DACH1: variants seen among roughly 807,000 people sequenced by gnomAD.
DACH1 encodes the protein dachshund family transcription factor 1.
Under a neutral mutation model 54.2 loss-of-function variants are expected in DACH1, and 12 were observed. The ratio of observed to expected loss-of-function variants is 0.22; its 90% CI spans 0.14 to 0.36. DACH1 has a LOEUF of 0.36. DACH1 is among the 10% of genes least tolerant of loss of function. DACH1 has a pLI of 1.00. For missense variants in DACH1, 805 were observed against 929.8 expected (o/e 0.87, Z 1.75); for synonymous variants, 386 against 366.2 (o/e 1.05, Z -0.62).
chr13:71,605,841 T>C (rs1874842510), intron 3 of DACH1, among the ~76,000 whole-genome samples: 2 of 151,984 alleles, frequency 1.3e-5, no homozygotes, highest in South Asian at 4.1e-4. Flanking sequence ...CCCCGTGTAA[T>C]TGAAAGTGAT....
At chr13:71,826,870 C>G (rs1409453375) in intron 1 of DACH1, among the ~76,000 whole-genome samples, 1 of 151,952 alleles carries the variant, frequency 6.6e-6, no homozygotes, top group East Asian at 1.9e-4. Flanking sequence ...GGGTTAATTG[C>G]GTGAATCTTC....
At chr13:71,750,985 C>T (rs1217960793) in intron 1 of DACH1, among the ~76,000 whole-genome samples, 1 of 152,118 alleles carries the variant, frequency 6.6e-6, no homozygotes, top group Non-Finnish European at 1.5e-5. Flanking sequence ...ATGTTTTTCT[C>T]CTTTAATAAT....
chr13:71,617,787 T>C (rs936728321), intron 3 of DACH1, among the ~76,000 whole-genome samples: 1 of 152,178 alleles, frequency 6.6e-6, no homozygotes, highest in Admixed American at 6.5e-5. Flanking sequence ...CTCACGGACG[T>C]AGGCTTGGCA....
At chr13:71,601,520 A>C (rs1334194638) in intron 3 of DACH1, among the ~76,000 whole-genome samples, 1 of 152,026 alleles carries the variant, frequency 6.6e-6, no homozygotes, top group Non-Finnish European at 1.5e-5. Context: ...CTTCAGATAT[A>C]GAGTGAAGTA....
intron 1 of DACH1, among the ~76,000 whole-genome samples, chr13:71,741,607 A>C (rs757851454): frequency 6.6e-6 from 1 of 152,210 alleles, no homozygotes; most frequent in Non-Finnish European, 1.5e-5. Context: ...TAATATGTCT[A>C]AGAGAGATTA....
chr13:71,616,919 T>C (rs1399035579), intron 3 of DACH1, among the ~76,000 whole-genome samples: 2 of 151,348 alleles, frequency 1.3e-5, no homozygotes, highest in Non-Finnish European at 2.9e-5. Flanking sequence ...TTCGCTCTTG[T>C]TGCCCAGGCT....
chr13:71,589,681 C>T (rs1873552635), intron 3 of DACH1, among the ~76,000 whole-genome samples: 1 of 151,766 alleles, frequency 6.6e-6, no homozygotes, highest in Non-Finnish European at 1.5e-5. Context: ...CCTAAAAAGA[C>T]CTGATATGAG....
Position 71,447,605 on chromosome 13 carries a change from G to A in DACH1, c.2084-6913C>T, listed in dbSNP as rs182614664. ...TCCCAGCACTTTGGGAGGCTGAGGC[G>A]GGTGGATCACGAGGTCAGGAAATCG... is the stretch of plus-strand genomic sequence containing the variant. On this transcript the variant is annotated intron_variant, in intron 10 of 10. Transcript: ENST00000613252. Among the ~76,000 whole-genome samples the A allele has an allele frequency of 1.6e-3, 250 of 152,008 alleles. 2 individuals carry two copies. Among genetic ancestry groups the A allele is most frequent in the African/African-American group, 5.6e-3 (232 of 41,478 alleles).
chr13:71,591,274 T>C (rs1257340503), intron 3 of DACH1, among the ~76,000 whole-genome samples: 1 of 152,082 alleles, frequency 6.6e-6, no homozygotes, highest in Non-Finnish European at 1.5e-5. Context: ...AGAATACAAC[T>C]CACTGTAAAT....
chr13:71,820,937 A>G lies in DACH1; in HGVS notation c.848+44985T>C, dbSNP rs544947868. Among the ~76,000 whole-genome samples, 13 of 152,320 alleles carry G rather than the reference A, an allele frequency of 8.5e-5. No individual in the cohort carries two copies. The East Asian group carries it at 2.3e-3, about 27-fold the overall frequency. On this transcript the variant is annotated intron_variant, in intron 1 of 10. Coordinates refer to ENST00000613252, the MANE Select transcript of DACH1 (RefSeq NM_080759.6). Reference sequence around the variant, plus strand: ...CCTCAATCATATCTCAAACAAAAACAAAAAACCCAAAGTACAACCTTACCT... The same window carrying G: ...CCTCAATCATATCTCAAACAAAAACGAAAAACCCAAAGTACAACCTTACCT...
intron 2 of DACH1, among the ~76,000 whole-genome samples, chr13:71,679,050 A>T (rs573721298): frequency 6.6e-6 from 1 of 152,090 alleles, no homozygotes; most frequent in African/African-American, 2.4e-5. Flanking sequence ...TCTTTTTTCG[A>T]TATAATGCTT....
chr13:71,645,634 A>G (rs1878212382), intron 2 of DACH1, among the ~76,000 whole-genome samples: 1 of 152,254 alleles, frequency 6.6e-6, no homozygotes, highest in Non-Finnish European at 1.5e-5. Context: ...CAAAGGATTT[A>G]TTAAAAGTGC....
chr13:71,550,432 A>G (rs543475537), intron 6 of DACH1, among the ~76,000 whole-genome samples: 1 of 152,314 alleles, frequency 6.6e-6, no homozygotes, highest in African/African-American at 2.4e-5. Flanking sequence ...TAAGGAAAGA[A>G]ACAGAAATCA....
At chr13:71,492,233 C>G (rs868145775) in intron 6 of DACH1, among the ~76,000 whole-genome samples, 1 of 152,074 alleles carries the variant, frequency 6.6e-6, no homozygotes, top group Non-Finnish European at 1.5e-5. Context: ...TACTTCCTGA[C>G]ATGTAACGAC....
intron 1 of DACH1, among the ~76,000 whole-genome samples, chr13:71,843,589 C>T (rs535372902): frequency 3.2e-4 from 49 of 152,244 alleles, no homozygotes; most frequent in African/African-American, 1.2e-3. Context: ...AAGCATAGTA[C>T]TGATGCTTCT....
intron 6 of DACH1, among the ~76,000 whole-genome samples, chr13:71,544,487 T>A (rs963109814): frequency 2.0e-5 from 3 of 152,078 alleles, no homozygotes; most frequent in Non-Finnish European, 4.4e-5. Flanking sequence ...TCTGAATGAA[T>A]AAATTAATAG....
intron 6 of DACH1, among the ~76,000 whole-genome samples, chr13:71,513,953 A>G (rs148045154): frequency 7.0e-4 from 107 of 152,188 alleles, no homozygotes; most frequent in Non-Finnish European, 1.3e-3. Context: ...CCTTGTATTA[A>G]TATTTTATCT....
In DACH1 at chr13:71,604,633, G is replaced by A. The variant is rs74096970; in HGVS notation, c.1126+25923C>T. ...ATAACTGAAACAAAAATATAAAAAC[G>A]TATTTTAACTGAGCTCAACTCTCAG... On this transcript the variant is annotated intron_variant, in intron 3 of 10. Coordinates refer to ENST00000613252, the MANE Select transcript of DACH1 (RefSeq NM_080759.6). Among the ~76,000 whole-genome samples the A allele has an allele frequency of 7.6e-3, 1,152 of 151,806 alleles. 14 individuals carry two copies. Among genetic ancestry groups the A allele is most frequent in the African/African-American group, 0.025 (1,022 of 41,496 alleles).
At chr13:71,647,414 A>T (rs17088365) in intron 2 of DACH1, among the ~76,000 whole-genome samples, 4,022 of 152,302 alleles carry the variant, frequency 0.026, 146 homozygotes, top group Admixed American at 0.078. Context: ...CCTTTCTGCT[A>T]TCTGTTGGTA....
Sources: allele counts gnomAD v4.1 joint callset (sites outside exome capture counted in the v4.1 genomes callset), GRCh38; gene constraint gnomAD v4.1.1; transcripts MANE v1.5; gene names NCBI Gene and HGNC (gene_info 2026-07-23, HGNC 2026-07-21).